PPP4R3A: variants seen among roughly 807,000 people sequenced by gnomAD.
The protein encoded by PPP4R3A is serine/threonine-protein phosphatase 4 regulatory subunit 3A.
A neutral mutation model predicts 91.7 loss-of-function variants in PPP4R3A; 15 were observed. That is an observed-to-expected ratio of 0.16 (90% CI 0.11 to 0.25). The LOEUF is 0.25. Ranked by LOEUF, PPP4R3A falls within the 10% of genes least tolerant of loss-of-function variation. The pLI, the probability that PPP4R3A is intolerant of heterozygous loss-of-function variation, is 1.00. For synonymous variants in PPP4R3A, 377 were observed against 348.7 expected (o/e 1.08, Z -0.91); for missense variants, 623 against 998.4 (o/e 0.62, Z 5.07).
chr14:91,475,739 TAA>T lies in PPP4R3A; in HGVS notation c.1266+70_1266+71del, dbSNP rs1889160018. 3 of 1,409,732 alleles carry T rather than the reference TAA, an allele frequency of 2.1e-6. No homozygotes were observed. In the Admixed American group the frequency reaches 6.5e-5, roughly 31 times the overall value. The allele number at this position is 1,409,732 out of a possible 1,614,324, so 87.3% of individuals were successfully genotyped here. A position where few individuals can be genotyped will look rare whatever the true frequency, so the allele number is the denominator to read the frequency against. On this transcript the variant is annotated intron_variant, in intron 7 of 14. Transcript: ENST00000554943. ...TTCCCAAACAGCAACAATTAAATCT[TAA>T]AAGTGAATAATAAAAACAGTTATAG...
chr14:91,474,599 A>T (rs1258657561), intron 7 of PPP4R3A: 1 of 151,718 alleles, frequency 6.6e-6, no homozygotes, highest in Non-Finnish European at 1.5e-5. Flanking sequence ...TATTTTCAAT[A>T]ATACAGATAC....
At chr14:91,503,128 CA>C (rs2140163684) in intron 1 of PPP4R3A, among the ~76,000 whole-genome samples, 1 of 152,176 alleles carries the variant, frequency 6.6e-6, no homozygotes, top group African/African-American at 2.4e-5. Flanking sequence ...GCTAAGACTA[CA>C]AGTATGTGCC....
intron 2 of PPP4R3A, among the ~76,000 whole-genome samples, chr14:91,488,929 A>C (rs570673725): frequency 8.4e-6 from 1 of 119,682 alleles, no homozygotes; most frequent in African/African-American, 3.4e-5. Flanking sequence ...TTTTTTTGAG[A>C]TGGAGTCTCG....
At position 91,476,053 on chromosome 14, in the gene PPP4R3A, T is replaced by C; in HGVS notation, c.1111-87A>G. On this transcript the variant is annotated intron_variant, in intron 6 of 14. Coordinates refer to ENST00000554943, the MANE Select transcript of PPP4R3A (RefSeq NM_001366432.2). ...AAATATCCAAACCTAACAAAACATA[T>C]GAAAAAACTTCAATGTAAAAGAAAG... 3 of 1,292,624 alleles carry C rather than the reference T, an allele frequency of 2.3e-6. No homozygotes were observed. The South Asian group carries it at 5.5e-5, about 24-fold the overall frequency. The allele number at this position is 1,292,624 out of a possible 1,614,324, so 80.1% of individuals were successfully genotyped here. A position where few individuals can be genotyped will look rare whatever the true frequency, so the allele number is the denominator to read the frequency against.
chr14:91,460,117 T>C (rs1392183149), intron 14 of PPP4R3A, among the ~76,000 whole-genome samples: 1 of 151,596 alleles, frequency 6.6e-6, no homozygotes, highest in African/African-American at 2.4e-5. Flanking sequence ...GATCACACCA[T>C]TCGCCTGCCT....
intron 2 of PPP4R3A, among the ~76,000 whole-genome samples, chr14:91,489,849 G>A (rs1266397573): frequency 2.6e-5 from 4 of 152,066 alleles, no homozygotes; most frequent in African/African-American, 7.2e-5. Flanking sequence ...AATAAATCAC[G>A]ACTAAATATA....
chr14:91,460,119 C>T (rs977621049), intron 14 of PPP4R3A, among the ~76,000 whole-genome samples: 6 of 152,034 alleles, frequency 3.9e-5, no homozygotes, highest in African/African-American at 1.2e-4. Context: ...TCACACCATT[C>T]GCCTGCCTCA....
chr14:91,493,479 T>G (rs1203678923), intron 1 of PPP4R3A, among the ~76,000 whole-genome samples: 1 of 138,214 alleles, frequency 7.2e-6, no homozygotes, highest in Non-Finnish European at 1.6e-5. Flanking sequence ...GGTTCTAGAC[T>G]GGGTGATAAG....
intron 1 of PPP4R3A, among the ~76,000 whole-genome samples, chr14:91,507,394 TG>T (rs869136746): frequency 1.7e-5 from 1 of 59,668 alleles, no homozygotes; most frequent in East Asian, 4.3e-4. Flanking sequence ...ATATAGTATA[TG>T]TACTATAATT....
chr14:91,461,999 C>A, intron 13 of PPP4R3A, 50 bp downstream of exon 13: 1 of 1,440,656 alleles, frequency 6.9e-7, no homozygotes, highest in South Asian at 1.6e-5. Context: ...AAGAATAAAT[C>A]TAGAGTAAGA....
At chr14:91,494,844 C>T (rs11624006) in intron 1 of PPP4R3A, among the ~76,000 whole-genome samples, 74,689 of 151,940 alleles carry the variant, frequency 0.49, 18,689 homozygotes, top group Admixed American at 0.53. Context: ...CCAGCCTGGA[C>T]GACAGAGACT....
At chr14:91,470,034 CTA>C (rs886775840) in intron 10 of PPP4R3A, among the ~76,000 whole-genome samples, 1 of 151,872 alleles carries the variant, frequency 6.6e-6, no homozygotes, top group African/African-American at 2.4e-5. Context: ...TAGTGCATGA[CTA>C]TGACTGCTTC....
At chr14:91,482,312 CA>C in intron 3 of PPP4R3A, 119 bp from the exon 4 acceptor site, 1 of 1,073,998 alleles carries the variant, frequency 9.3e-7, no homozygotes, top group Non-Finnish European at 1.3e-6. Context: ...ATTTTCAAGA[CA>C]AAACTGCCTA....
chr14:91,484,299 G>A (rs570468443), intron 3 of PPP4R3A, among the ~76,000 whole-genome samples: 64 of 152,178 alleles, frequency 4.2e-4, no homozygotes, highest in Non-Finnish European at 7.9e-4. Flanking sequence ...GAAAAACTGT[G>A]CTAAGGACAC....
intron 1 of PPP4R3A, 140 bp downstream of exon 1, chr14:91,509,366 G>A: frequency 8.2e-7 from 1 of 1,218,848 alleles, no homozygotes; most frequent in Non-Finnish European, 1.1e-6. Context: ...GGTACCTGGG[G>A]CCCGTCCTCC....
At chr14:91,485,209 G>A (rs912448704) in intron 3 of PPP4R3A, among the ~76,000 whole-genome samples, 1 of 152,196 alleles carries the variant, frequency 6.6e-6, no homozygotes, top group African/African-American at 2.4e-5. Context: ...TAAAAATGAA[G>A]ATAAGCCAAT....
At chr14:91,499,461 T>C (rs982464251) in intron 1 of PPP4R3A, among the ~76,000 whole-genome samples, 2 of 151,962 alleles carry the variant, frequency 1.3e-5, no homozygotes, top group African/African-American at 2.4e-5. Flanking sequence ...ATACTGATAA[T>C]AGAGGTGTTT....
intron 1 of PPP4R3A, among the ~76,000 whole-genome samples, chr14:91,491,036 G>A (rs1004034188): frequency 2.0e-5 from 3 of 151,286 alleles, no homozygotes; most frequent in Admixed American, 2.0e-4. Flanking sequence ...CTCCCAAGGA[G>A]CTGGGATTAC....
intron 11 of PPP4R3A, 69 bp downstream of exon 11, chr14:91,465,181 C>G: frequency 8.6e-7 from 1 of 1,159,058 alleles, no homozygotes. Context: ...AGCCAAAATA[C>G]TAGGTAATGC....
Sources: gnomAD v4.1 joint callset for allele counts (sites outside exome capture counted in the v4.1 genomes callset) on GRCh38, gnomAD v4.1.1 for gene constraint, MANE v1.5 for transcripts, NCBI Gene and HGNC (gene_info 2026-07-23, HGNC 2026-07-21) for gene names.